ME1: variants seen among roughly 807,000 people sequenced by gnomAD.
ME1 encodes malic enzyme 1, also known as NADP-dependent malic enzyme.
A neutral mutation model predicts 66.4 loss-of-function variants in ME1; 74 were observed. The ratio of observed to expected loss-of-function variants is 1.11; its 90% CI spans 0.92 to 1.35. The LOEUF (loss-of-function observed/expected upper bound fraction) is 1.35, where lower values mean the gene tolerates loss of function less well. Ranked by LOEUF, ME1 falls within the 40% of genes most tolerant of loss-of-function variation. The probability of loss-of-function intolerance (pLI) is 0.00; values close to 1 mark genes in which losing one functional copy is unlikely to be tolerated. For missense variants in ME1, 750 were observed against 694.1 expected, an observed-to-expected ratio of 1.08 and a Z score of -0.90; for synonymous variants, 251 against 235.6, an observed-to-expected ratio of 1.07 and a Z score of -0.60.
At position 83,312,671 on chromosome 6, in the gene ME1, T is replaced by G. The variant is rs139076284; in HGVS notation, c.704+2639A>C. Among the ~76,000 whole-genome samples the G allele has an allele frequency of 1.1e-4, 16 of 152,266 alleles. No individual in the cohort carries two copies. The East Asian group carries it at 1.9e-3, about 18-fold the overall frequency. On this transcript the variant is annotated intron_variant, in intron 6 of 13. Coordinates refer to ENST00000369705, the MANE Select transcript of ME1 (RefSeq NM_002395.6). ...GGGGTAATCCCAACTAAGTTATCCA[T>G]GGCTATTGGTGGGTCCATGTTGCAG...
At chr6:83,308,204 C>T (rs979310253) in intron 6 of ME1, among the ~76,000 whole-genome samples, 2 of 152,070 alleles carry the variant, frequency 1.3e-5, no homozygotes, top group African/African-American at 2.4e-5. Context: ...ATAATAACTA[C>T]GTTTGTGGCC....
intron 6 of ME1, among the ~76,000 whole-genome samples, chr6:83,258,971 T>A (rs554651811): frequency 5.3e-5 from 8 of 152,318 alleles, no homozygotes; most frequent in African/African-American, 1.9e-4. Flanking sequence ...CAAAACAGTA[T>A]TTGTATGCAT....
At chr6:83,235,517 A>C (rs1474034222) in intron 9 of ME1, among the ~76,000 whole-genome samples, 1 of 139,812 alleles carries the variant, frequency 7.2e-6, no homozygotes, top group Admixed American at 7.8e-5. Context: ...GTCACCCAGG[A>C]TGGAGTGCAG....
At chr6:83,389,821 T>A (rs1414366093) in intron 3 of ME1, among the ~76,000 whole-genome samples, 4 of 151,906 alleles carry the variant, frequency 2.6e-5, no homozygotes, top group South Asian at 2.1e-4. Flanking sequence ...AAATCACACC[T>A]CTATGTACAA....
chr6:83,216,175 G>A (rs189579838), intron 13 of ME1, among the ~76,000 whole-genome samples: 3 of 152,296 alleles, frequency 2.0e-5, no homozygotes, highest in Admixed American at 6.5e-5. Flanking sequence ...TCACTAATGT[G>A]ATATAGAAAA....
At chr6:83,357,935 C>CTCTATATATA (rs1447805761) in intron 3 of ME1, among the ~76,000 whole-genome samples, 5 of 30,038 alleles carry the variant, frequency 1.7e-4, no homozygotes, top group African/African-American at 2.3e-4. Flanking sequence ...CTCTCTCTCT[C>CTCTATATATA]TATATATATA....
At chr6:83,271,411 G>T (rs1360363980) in intron 6 of ME1, among the ~76,000 whole-genome samples, 1 of 152,140 alleles carries the variant, frequency 6.6e-6, no homozygotes, top group Non-Finnish European at 1.5e-5. Flanking sequence ...TCACATGGAG[G>T]CTGCAATTGG....
chr6:83,251,310 C>T (rs1384840918), intron 7 of ME1, among the ~76,000 whole-genome samples: 5 of 151,872 alleles, frequency 3.3e-5, no homozygotes, highest in Non-Finnish European at 2.9e-5. Context: ...GCCTGACCAA[C>T]GTGGCAAAAA....
Position 83,283,227 on chromosome 6 carries a change from CAA to C in ME1, c.705-29491_705-29490del, listed in dbSNP as rs71545854. Among the ~76,000 whole-genome samples the C allele has an allele frequency of 3.0e-3, 87 of 28,900 alleles. 5 individuals are homozygous for C. Among genetic ancestry groups the C allele is most frequent in the African/African-American group, 9.8e-3 (71 of 7,232 alleles). 19.0% of individuals were successfully genotyped at this position (28,900 alleles called of 152,430 possible). A position where few individuals can be genotyped will look rare whatever the true frequency, so the allele number is the denominator to read the frequency against. ...TGGGCGACAGAGCAAGACTCCGTCTCAAAAAAAAAAAAAAAAAAAAATGATGA... is the reference window on the plus strand; with the variant it reads ...TGGGCGACAGAGCAAGACTCCGTCTCAAAAAAAAAAAAAAAAAAATGATGA... On this transcript the variant is annotated intron_variant, in intron 6 of 13. Coordinates refer to ENST00000369705, the MANE Select transcript of ME1 (RefSeq NM_002395.6).
intron 6 of ME1, among the ~76,000 whole-genome samples, chr6:83,267,918 TC>T (rs1767015787): frequency 6.6e-6 from 1 of 152,160 alleles, no homozygotes; most frequent in African/African-American, 2.4e-5. Context: ...GGTCCAACAT[TC>T]TCCTCACTTA....
intron 2 of ME1, among the ~76,000 whole-genome samples, chr6:83,405,061 G>T (rs1392824810): frequency 6.6e-6 from 1 of 152,188 alleles, no homozygotes; most frequent in Non-Finnish European, 1.5e-5. Context: ...ATGGTAGCTT[G>T]ATGGGTATAA....
At chr6:83,427,118 A>G (rs1280294379) in intron 1 of ME1, among the ~76,000 whole-genome samples, 1 of 152,232 alleles carries the variant, frequency 6.6e-6, no homozygotes, top group Non-Finnish European at 1.5e-5. Context: ...ACACATTTAT[A>G]TAAAACCGGC....
intron 5 of ME1, among the ~76,000 whole-genome samples, chr6:83,340,132 C>G (rs1260777434): frequency 1.3e-5 from 2 of 152,136 alleles, no homozygotes; most frequent in Non-Finnish European, 1.5e-5. Context: ...TAGGCAGCCA[C>G]TTTACTGAGT....
chr6:83,358,145 T>C (rs569072625), intron 3 of ME1, among the ~76,000 whole-genome samples: 23 of 151,440 alleles, frequency 1.5e-4, no homozygotes, highest in African/African-American at 5.3e-4. Flanking sequence ...GGCTGCCTAA[T>C]ATGATTAGAC....
At position 83,313,055 on chromosome 6, in the gene ME1, C is replaced by A. The variant is rs541750852; in HGVS notation, c.704+2255G>T. On this transcript the variant is annotated intron_variant, in intron 6 of 13. Transcript: ENST00000369705. ...TAAAGGTGTGAGCCACTGTGCCTGG[C>A]CCAAGGGTACTCCTTAATAAACTCT... 2.7e-4 allele frequency among the ~76,000 whole-genome samples: 41 copies of A among 152,270 alleles called. 2 individuals carry two copies. The Middle Eastern group carries it at 0.017, about 63-fold the overall frequency.
chr6:83,420,066 G>T lies in ME1; in HGVS notation c.78+10811C>A, dbSNP rs140248037. On this transcript the variant is annotated intron_variant, in intron 1 of 13. Transcript: ENST00000369705. ...GCAGCCATCTTGGAATGTGTAGGTG[G>T]TATCTTTTTTTTTTCTTTTGAGACG... Among the ~76,000 whole-genome samples, 1,046 of 152,014 alleles carry T rather than the reference G, an allele frequency of 6.9e-3. 9 individuals carry two copies. Among genetic ancestry groups the T allele is most frequent in the Middle Eastern group, 0.014 (4 of 294 alleles).
At chr6:83,294,826 T>C (rs1767567892) in intron 6 of ME1, among the ~76,000 whole-genome samples, 1 of 152,086 alleles carries the variant, frequency 6.6e-6, no homozygotes, top group South Asian at 2.1e-4. Flanking sequence ...CACTGATAGA[T>C]TGCAGCGCCA....
intron 3 of ME1, among the ~76,000 whole-genome samples, chr6:83,365,563 T>C (rs182991871): frequency 5.1e-4 from 77 of 152,330 alleles, no homozygotes; most frequent in Non-Finnish European, 8.7e-4. Context: ...AAACAAGCTG[T>C]AATTATTTAC....
At chr6:83,351,295 G>T (rs1355700160) in intron 4 of ME1, among the ~76,000 whole-genome samples, 1 of 152,140 alleles carries the variant, frequency 6.6e-6, no homozygotes, top group Non-Finnish European at 1.5e-5. Flanking sequence ...TAGCTGAAGT[G>T]CCTTTGTACC....
Sources: allele counts gnomAD v4.1 joint callset (sites outside exome capture counted in the v4.1 genomes callset), GRCh38; gene constraint gnomAD v4.1.1; transcripts MANE v1.5; gene names NCBI Gene and HGNC (gene_info 2026-07-23, HGNC 2026-07-21).